Variants in COLEC10 observed in about 807,000 individuals in gnomAD.
The protein encoded by COLEC10 is collectin subfamily member 10.
A neutral mutation model predicts 28.4 loss-of-function variants in COLEC10; 22 were observed. That is an observed-to-expected ratio of 0.78 (90% CI 0.55 to 1.11). The LOEUF (loss-of-function observed/expected upper bound fraction) is 1.11. COLEC10 is among the 50% of genes least tolerant of loss of function. The pLI is 0.00. For synonymous variants in COLEC10, 125 were observed against 116.1 expected (o/e 1.08, Z -0.49); for missense variants, 361 against 344.1 (o/e 1.05, Z -0.39).
At chr8:119,018,091 T>C (rs903110477) in intron 2 of COLEC10, among the ~76,000 whole-genome samples, 3 of 152,206 alleles carry the variant, frequency 2.0e-5, no homozygotes, top group African/African-American at 4.8e-5. Context: ...TGTACTTTGT[T>C]TGGAATTAAA....
At chr8:119,079,823 C>A (rs1815335253) in intron 1 of COLEC10, among the ~76,000 whole-genome samples, 1 of 152,022 alleles carries the variant, frequency 6.6e-6, no homozygotes, top group Non-Finnish European at 1.5e-5. Flanking sequence ...TTCATGGGTC[C>A]CTGGAATTGA....
intron 1 of COLEC10, 28 bp downstream of exon 1, chr8:119,067,457 G>A: frequency 1.9e-6 from 3 of 1,605,770 alleles, no homozygotes; most frequent in Middle Eastern, 1.7e-4. Flanking sequence ...CAATTTTCAT[G>A]TATAATAAAT....
rs1162649052 is a variant in COLEC10 at position 119,100,811 on chromosome 8, C to G, written c.293-1537C>G. ...TTTCATCCAAGTACAAGTTCCAAGC[C>G]TTCCTCCTGCACATGTAAACTGTAT... On this transcript the variant is annotated intron_variant, in intron 3 of 5. Coordinates refer to ENST00000332843, the MANE Select transcript of COLEC10 (RefSeq NM_006438.5). 2.6e-5 allele frequency among the ~76,000 whole-genome samples: 4 copies of G among 152,172 alleles called. No homozygotes were observed. The East Asian group carries it at 7.7e-4, about 29-fold the overall frequency.
chr8:119,004,424 G>A (rs1006731828), intron 1 of COLEC10, among the ~76,000 whole-genome samples: 3 of 151,662 alleles, frequency 2.0e-5, no homozygotes, highest in African/African-American at 7.3e-5. Context: ...TTCAGGAACA[G>A]TCTTTCTGAC....
the COLEC10 span, among the ~76,000 whole-genome samples, chr8:118,960,320 G>A: frequency 7.9e-5 from 12 of 152,248 alleles, no homozygotes; most frequent in East Asian, 9.6e-4. Context: ...ATTGTTTTAC[G>A]GGCAGTAGAG....
chr8:119,099,409 A>G (rs1815780095), intron 3 of COLEC10, among the ~76,000 whole-genome samples: 1 of 152,094 alleles, frequency 6.6e-6, no homozygotes, highest in African/African-American at 2.4e-5. Flanking sequence ...AGAAAATATT[A>G]CTATACCTAA....
At chr8:119,016,452 G>A (rs1267955932) in intron 2 of COLEC10, among the ~76,000 whole-genome samples, 2 of 152,096 alleles carry the variant, frequency 1.3e-5, no homozygotes, top group South Asian at 2.1e-4. Flanking sequence ...TTGGTTCCAA[G>A]TCTTCGCTCT....
chr8:118,998,529 T>C, intron 1 of COLEC10, among the ~76,000 whole-genome samples: 1 of 152,060 alleles, frequency 6.6e-6, no homozygotes, highest in East Asian at 1.9e-4. Flanking sequence ...CTTGTGCATG[T>C]GATCTTGTGG....
At chr8:119,005,411 T>C (rs1813776369) in intron 1 of COLEC10, among the ~76,000 whole-genome samples, 1 of 152,124 alleles carries the variant, frequency 6.6e-6, no homozygotes, top group Non-Finnish European at 1.5e-5. Flanking sequence ...AGTTTTTCTT[T>C]CCCCAGGGCT....
intron 1 of COLEC10, among the ~76,000 whole-genome samples, chr8:119,069,611 A>C (rs1410109784): frequency 1.8e-5 from 1 of 56,270 alleles, no homozygotes; most frequent in African/African-American, 9.3e-5. Flanking sequence ...ATCTCAAAAA[A>C]AAAAAAAAAA....
the COLEC10 span, among the ~76,000 whole-genome samples, chr8:118,965,677 C>T: frequency 3.9e-5 from 6 of 151,932 alleles, no homozygotes; most frequent in Non-Finnish European, 8.8e-5. Flanking sequence ...AGAGTGATTG[C>T]TGGGTAGGCC....
upstream of COLEC10, chr8:119,067,185 A>G: frequency 7.5e-7 from 1 of 1,324,616 alleles, no homozygotes; most frequent in Middle Eastern, 1.9e-4. Flanking sequence ...TGTGTGTTCC[A>G]AATACTTCCC....
At chr8:119,062,255 A>G (rs957805291), upstream of COLEC10, among the ~76,000 whole-genome samples, 2 of 152,146 alleles carry the variant, frequency 1.3e-5, no homozygotes, top group Non-Finnish European at 2.9e-5. Context: ...GAAGTCAATG[A>G]GTATCTAAAC....
the COLEC10 span, among the ~76,000 whole-genome samples, chr8:118,978,960 G>A: frequency 2.6e-5 from 4 of 151,712 alleles, no homozygotes; most frequent in Admixed American, 6.6e-5. Flanking sequence ...CCAGTTTGTC[G>A]CTTATCTTCT....
At chr8:119,104,013 AC>A (rs1376892752) in intron 5 of COLEC10, 118 bp downstream of exon 5, 7 of 744,474 alleles carry the variant, frequency 9.4e-6, no homozygotes, top group Non-Finnish European at 1.6e-5. Flanking sequence ...AGATAGTGTC[AC>A]CAGTTTAAGG....
intron 1 of COLEC10, among the ~76,000 whole-genome samples, chr8:119,075,811 C>T (rs886503587): frequency 5.3e-5 from 8 of 151,810 alleles, no homozygotes; most frequent in Non-Finnish European, 1.2e-4. Context: ...AGAGAGGACC[C>T]TAATCAACCC....
chr8:119,083,617 T>G (rs1301944915), intron 1 of COLEC10, among the ~76,000 whole-genome samples: 1 of 152,158 alleles, frequency 6.6e-6, no homozygotes, highest in Non-Finnish European at 1.5e-5. Flanking sequence ...ACCCATAATC[T>G]TACTTAATCT....
intron 2 of COLEC10, among the ~76,000 whole-genome samples, chr8:119,052,718 G>T (rs1039599685): frequency 6.6e-6 from 1 of 151,946 alleles, no homozygotes; most frequent in African/African-American, 2.4e-5. Flanking sequence ...CTATCTTCAG[G>T]GAAGAGAAAA....
the COLEC10 span, among the ~76,000 whole-genome samples, chr8:118,977,891 A>C: frequency 2.0e-5 from 3 of 152,040 alleles, no homozygotes; most frequent in African/African-American, 7.2e-5. Context: ...TGTACTGAGC[A>C]TCTACAGGAA....
Sources: allele counts gnomAD v4.1 joint callset (sites outside exome capture counted in the v4.1 genomes callset), GRCh38; gene constraint gnomAD v4.1.1; transcripts MANE v1.5; gene names NCBI Gene and HGNC (gene_info 2026-07-23, HGNC 2026-07-21).